The following NUMA1 variants were observed in gnomAD, a reference collection of about 807,000 sequenced individuals.
NUMA1 encodes SP-H antigen.
Under a neutral mutation model 237.1 loss-of-function variants are expected in NUMA1, and 62 were observed. The observed-to-expected ratio is 0.26, with a 90% CI of 0.21 to 0.32. NUMA1 has a LOEUF of 0.32. Among genes scored for constraint, NUMA1 ranks in the 10% least tolerant of loss-of-function variants. The probability of loss-of-function intolerance (pLI) is 1.00; values close to 1 mark genes in which losing one functional copy is unlikely to be tolerated. For missense variants in NUMA1, 2,533 were observed against 2,666.5 expected, an observed-to-expected ratio of 0.95 and a Z score of 1.10; for synonymous variants, 1,028 against 1,066.1, an observed-to-expected ratio of 0.96 and a Z score of 0.70.
intron 3 of NUMA1, among the ~76,000 whole-genome samples, chr11:72,030,015 A>AG (rs1940082620): frequency 6.6e-6 from 1 of 152,142 alleles, no homozygotes. Context: ...GAAAAACAAT[A>AG]GGGGAACAAG....
At chr11:72,009,520 A>G in intron 17 of NUMA1, 133 bp from the exon 18 acceptor site, 1 of 1,152,304 alleles carries the variant, frequency 8.7e-7, no homozygotes, top group East Asian at 2.6e-5. Context: ...AAACCACACC[A>G]CCCCAAATAC....
chr11:72,062,967 G>A (rs1220704004), intron 2 of NUMA1, among the ~76,000 whole-genome samples: 1 of 152,108 alleles, frequency 6.6e-6, no homozygotes, highest in East Asian at 1.9e-4. Flanking sequence ...TACTCGGGAG[G>A]CTGAGGCAGG....
At chr11:72,007,998 G>A (rs1955861476) in intron 20 of NUMA1, 2 of 420,274 alleles carry the variant, frequency 4.8e-6, no homozygotes. Context: ...GCTGCCCAGG[G>A]TCAAACCCCA....
In NUMA1 at chr11:72,016,029, G is replaced by A. The variant is rs1937672936; in HGVS notation, c.1474C>T (p.His492Tyr). 4 of 1,613,964 alleles carry A rather than the reference G, an allele frequency of 2.5e-6. No homozygotes were observed. The South Asian group carries it at 3.3e-5, about 13-fold the overall frequency. The change falls in exon 15 of 27, where the codon CAT (histidine) becomes TAT (tyrosine). Residue 492 changes from histidine (H) to tyrosine (Y), a missense_variant. His to Tyr is a moderately conservative substitution (Grantham distance 83). Transcript: ENST00000393695. ...KEELEQASQA[H>Y]GARLTAQVAS... ...ACCTGGGCAGTCAACCGGGCCCCAT[G>A]AGCCTGGGAGGCCTGCTCCAGCTCT... is the stretch of plus-strand genomic sequence containing the variant.
intron 3 of NUMA1, among the ~76,000 whole-genome samples, chr11:72,031,720 G>A (rs1488679831): frequency 2.0e-5 from 3 of 152,054 alleles, no homozygotes; most frequent in Non-Finnish European, 4.4e-5. Context: ...AGGCTGACGT[G>A]GGAAGATCGC....
At chr11:72,040,023 T>C (rs563118669) in intron 2 of NUMA1, among the ~76,000 whole-genome samples, 2 of 152,140 alleles carry the variant, frequency 1.3e-5, no homozygotes, top group South Asian at 2.1e-4. Context: ...TCTGAGAAGA[T>C]AAAAGGCAAG....
At position 72,013,118 on chromosome 11, in the gene NUMA1, C is replaced by T. The variant is rs767445791; in HGVS notation, c.4385G>A (p.Arg1462Gln). The T allele has an allele frequency of 8.7e-6, 14 of 1,614,182 alleles. No homozygotes were observed. Among genetic ancestry groups the T allele is most frequent in the South Asian group, 2.2e-5 (2 of 91,082 alleles). ...RGLGERANLG[R>Q]QFLEVELDQA... Reference sequence around the variant, plus strand: ...GTCCAACTCCACTTCCAGAAACTGCCGGCCAAGGTTGGCCCGCTCACCCAG... The same window carrying T: ...GTCCAACTCCACTTCCAGAAACTGCTGGCCAAGGTTGGCCCGCTCACCCAG... The change falls in exon 15 of 27, where the codon CGG becomes CAG. Residue 1462 changes from arginine (R) to glutamine (Q), a missense_variant. Physicochemically the swap from Arg to Gln is conservative, Grantham distance 43. This residue lies in a region of NUMA1 where 324 missense variants were observed against 407.6 expected (regional missense o/e 0.79). Coordinates refer to ENST00000393695, the MANE Select transcript of NUMA1 (RefSeq NM_006185.4). The surrounding 1 kb of genome is among the most constrained non-coding windows in gnomAD (Gnocchi z 6.8).
intron 17 of NUMA1, among the ~76,000 whole-genome samples, chr11:72,009,660 C>G (rs574819142): frequency 5.1e-4 from 77 of 152,310 alleles, no homozygotes; most frequent in African/African-American, 1.8e-3. Context: ...AGTGTCACAC[C>G]CTCTTTGCAT....
Position 72,018,442 on chromosome 11 carries a change from G to C in NUMA1, c.814C>G (p.Pro272Ala). The part of the protein sequence containing the change: ...ALLNEKQAAS[P>A]LEPKELEELR... ...TCCTCAAGCTCCTTGGGCTCCAGTG[G>C]GCTGGCCGCCTGCTTCTCATTCAGC... Residue 272 changes from proline (P) to alanine (A), a missense_variant, in exon 11 of 27, where the codon CCA becomes GCA. Transcript: ENST00000393695. 6.2e-7 allele frequency: 1 copy of C among 1,614,160 alleles called. No homozygotes were observed. Among genetic ancestry groups the C allele is most frequent in the Non-Finnish European group, 8.5e-7 (1 of 1,180,016 alleles).
At chr11:72,022,580 C>CTT (rs10716998) in intron 6 of NUMA1, among the ~76,000 whole-genome samples, 161 bp from the exon 7 acceptor site, 1 of 139,206 alleles carries the variant, frequency 7.2e-6, no homozygotes, top group Non-Finnish European at 1.6e-5. Flanking sequence ...CCAGGAAACA[C>CTT]TTTTTTTTTT....
intron 21 of NUMA1, among the ~76,000 whole-genome samples, chr11:72,006,881 A>G (rs1362546488): frequency 2.0e-5 from 3 of 152,234 alleles, no homozygotes; most frequent in African/African-American, 7.2e-5. Flanking sequence ...TGCATGGGGC[A>G]TGCTGGGAGG....
chr11:72,010,669 G>A, intron 17 of NUMA1, 117 bp downstream of exon 17: 1 of 979,650 alleles, frequency 1.0e-6, no homozygotes, highest in Non-Finnish European at 1.5e-6. Flanking sequence ...TCCTAGGAGG[G>A]CTACCTGGAA....
chr11:72,005,615 C>G (rs2845860), intron 22 of NUMA1: 1 of 525,178 alleles, frequency 1.9e-6, no homozygotes. Flanking sequence ...CTACATCTTA[C>G]TCACCTGCCA....
intron 14 of NUMA1, 71 bp downstream of exon 14, chr11:72,016,337 C>T (rs1262222337): frequency 1.9e-6 from 3 of 1,590,626 alleles, no homozygotes; most frequent in Non-Finnish European, 2.6e-6. Flanking sequence ...GGAGGAACAC[C>T]AGGAACCCAA....
rs779277374 is a variant in NUMA1 at position 72,008,997 on chromosome 11, A to C, written c.5028T>G (p.Leu1676=). 3 of 1,613,878 alleles carry C rather than the reference A, an allele frequency of 1.9e-6. No individual in the cohort carries two copies. The highest frequency in any genetic ancestry group is 2.2e-5 in the South Asian group (2 of 91,074). The change falls in exon 19 of 27, where the codon CTT becomes CTG. Residue 1676 remains leucine (L), a synonymous_variant. Coordinates refer to ENST00000393695, the MANE Select transcript of NUMA1 (RefSeq NM_006185.4). The part of the protein sequence containing the change: ...TKEAEQTCRH[L]TAQVRSLEAQ... ...CCTCCAGGCTGCGCACCTGGGCAGT[A>C]AGGTGGCGGCAGGTCTGTTCAGCCT...
In NUMA1 at chr11:72,013,760, C is replaced by T. The variant is rs1956308373; in HGVS notation, c.3743G>A (p.Ser1248Asn). ...CATCACCAGCCGCTTCAACTCCTTGCTCTCCCCCTCCTTCTCCAGGACCTG... is the reference window on the plus strand; with the variant it reads ...CATCACCAGCCGCTTCAACTCCTTGTTCTCCCCCTCCTTCTCCAGGACCTG... ...NRQVLEKEGE[S>N]KELKRLVMAE... is the part of the protein sequence containing the mutation. The change falls in exon 15 of 27, where the codon AGC (serine) becomes AAC (asparagine). Residue 1248 changes from serine (S) to asparagine (N), a missense_variant. Physicochemically the swap from Ser to Asn is conservative, Grantham distance 46. Around this residue, in one of 3 missense-constraint regions of NUMA1, gnomAD observed 324 missense variants for 407.6 expected, o/e 0.79. Transcript: ENST00000393695. The surrounding 1 kb of genome is among the most constrained non-coding windows in gnomAD (Gnocchi z 6.8). 1 of 1,609,964 alleles carries T rather than the reference C, an allele frequency of 6.2e-7. No homozygotes were observed. Among genetic ancestry groups the T allele is most frequent in the Non-Finnish European group, 8.5e-7 (1 of 1,180,026 alleles).
chr11:72,044,521 T>A (rs1424861066), intron 2 of NUMA1, among the ~76,000 whole-genome samples: 2 of 151,866 alleles, frequency 1.3e-5, no homozygotes, highest in Non-Finnish European at 1.5e-5. Context: ...GATTTTACTT[T>A]AGGGTCCAGC....
At chr11:72,004,452 C>T (rs781518493) in intron 24 of NUMA1, 111 bp from the exon 25 acceptor site, 3 of 1,218,880 alleles carry the variant, frequency 2.5e-6, no homozygotes, top group Non-Finnish European at 3.6e-6. Flanking sequence ...GTGCAACCTG[C>T]TCCCCTTCCC....
At chr11:72,028,553 A>G (rs983080395) in intron 4 of NUMA1, among the ~76,000 whole-genome samples, 4 of 151,934 alleles carry the variant, frequency 2.6e-5, no homozygotes, top group African/African-American at 9.7e-5. Context: ...CATTTCCGAG[A>G]TAACTGTGAC....
Sources: gnomAD v4.1 joint callset for allele counts (sites outside exome capture counted in the v4.1 genomes callset) on GRCh38, gnomAD v4.1.1 for gene constraint, gnomAD v4.1.1 regional missense constraint, Gnocchi (gnomAD v3.1) non-coding constraint, MANE v1.5 for transcripts, NCBI Gene and HGNC (gene_info 2026-07-23, HGNC 2026-07-21) for gene names.